Variants in CACNA1C observed in about 807,000 individuals in gnomAD.
The protein encoded by CACNA1C is calcium voltage-gated channel subunit alpha1 C.
A neutral mutation model predicts 229.0 loss-of-function variants in CACNA1C; 30 were observed. The ratio of observed to expected loss-of-function variants is 0.13; its 90% CI spans 0.10 to 0.18. The LOEUF is 0.18. Ranked by LOEUF, CACNA1C falls within the 10% of genes least tolerant of loss-of-function variation. The probability of loss-of-function intolerance (pLI) is 1.00; values close to 1 mark genes in which losing one functional copy is unlikely to be tolerated. For synonymous variants in CACNA1C, 1,114 were observed against 1,132.5 expected, an observed-to-expected ratio of 0.98 and a Z score of 0.33; for missense variants, 1,658 against 2,845.0, an observed-to-expected ratio of 0.58 and a Z score of 9.49.
chr12:2,043,002 G>C (rs1427013673), intron 1 of CACNA1C, among the ~76,000 whole-genome samples: 1 of 152,088 alleles, frequency 6.6e-6, no homozygotes, highest in Non-Finnish European at 1.5e-5. Flanking sequence ...CGTGTTTTGG[G>C]GTGTTTCATC....
intron 11 of CACNA1C, among the ~76,000 whole-genome samples, chr12:2,558,180 G>A (rs929826230): frequency 1.6e-4 from 25 of 152,302 alleles, no homozygotes; most frequent in East Asian, 7.7e-4. Context: ...GACACATGGC[G>A]GAGAGGGACT....
At chr12:2,072,313 C>T (rs886461329) in intron 1 of CACNA1C, among the ~76,000 whole-genome samples, 7 of 152,074 alleles carry the variant, frequency 4.6e-5, no homozygotes, top group Admixed American at 4.6e-4. Context: ...GTTCTCCTGC[C>T]CCAGCCTCCT....
intron 34 of CACNA1C, among the ~76,000 whole-genome samples, chr12:2,663,814 T>A (rs968561331): frequency 7.0e-6 from 1 of 143,298 alleles, no homozygotes; most frequent in African/African-American, 2.6e-5. Flanking sequence ...TGATCTCGGC[T>A]CACTGCAAAC....
At chr12:2,374,884 G>T (rs952472870) in intron 3 of CACNA1C, among the ~76,000 whole-genome samples, 3 of 152,202 alleles carry the variant, frequency 2.0e-5, no homozygotes, top group African/African-American at 7.2e-5. Context: ...CTGGAAGTTG[G>T]GTTCATTGGA....
intron 30 of CACNA1C, among the ~76,000 whole-genome samples, chr12:2,643,250 C>T (rs2093941427): frequency 6.6e-6 from 1 of 152,212 alleles, no homozygotes; most frequent in African/African-American, 2.4e-5. Flanking sequence ...GGGTTTCCGA[C>T]CTGGGGGTGG....
At chr12:2,503,026 G>A (rs571595082) in intron 7 of CACNA1C, among the ~76,000 whole-genome samples, 1 of 152,350 alleles carries the variant, frequency 6.6e-6, no homozygotes, top group South Asian at 2.1e-4. Context: ...CACACTTTGA[G>A]GAACACTGCT....
chr12:2,633,570 G>GTTC lies in CACNA1C; in HGVS notation c.3829-724_3829-722dup. ...ATGATTCTGATGGTGGTGTTGCTCT[G>GTTC]TTCTTGTCTGTCTAATATTCCTTTT... On this transcript the variant is annotated intron_variant, in intron 29 of 46. Coordinates refer to ENST00000399655, the MANE Select transcript of CACNA1C (RefSeq NM_000719.7). This position sits in a 1 kb window ranked among gnomAD's most constrained non-coding sequence, Gnocchi z 5.8. The GTTC allele has an allele frequency of 1.0e-6, 1 of 987,742 alleles. No individual in the cohort carries two copies. The highest frequency in any genetic ancestry group is 1.6e-6 in the Non-Finnish European group (1 of 608,934). 61.2% of individuals were successfully genotyped at this position (987,742 alleles called of 1,614,324 possible).
At chr12:2,527,588 C>A (rs902556367) in intron 9 of CACNA1C, among the ~76,000 whole-genome samples, 2 of 152,156 alleles carry the variant, frequency 1.3e-5, no homozygotes, top group Non-Finnish European at 2.9e-5. Context: ...CTAACACATG[C>A]ACACACACCA....
At chr12:2,068,433 A>G (rs1851204157) in intron 1 of CACNA1C, among the ~76,000 whole-genome samples, 1 of 152,184 alleles carries the variant, frequency 6.6e-6, no homozygotes, top group African/African-American at 2.4e-5. Context: ...TGAGTTGAGG[A>G]GGCTGGGCTT....
intron 9 of CACNA1C, among the ~76,000 whole-genome samples, chr12:2,527,561 A>G (rs2099821500): frequency 6.6e-6 from 1 of 152,194 alleles, no homozygotes; most frequent in African/African-American, 2.4e-5. Flanking sequence ...ATCTGAAAAT[A>G]ACCAAATGCA....
intron 5 of CACNA1C, among the ~76,000 whole-genome samples, chr12:2,478,843 G>A (rs905515799): frequency 6.6e-6 from 1 of 152,166 alleles, no homozygotes; most frequent in Admixed American, 6.5e-5. Flanking sequence ...TGCTTCATAG[G>A]TTCTCCGTAG....
chr12:2,663,735 C>CTTTTTTTTTTTTT (rs55933898), intron 34 of CACNA1C, among the ~76,000 whole-genome samples: 1 of 103,892 alleles, frequency 9.6e-6, no homozygotes. Flanking sequence ...AATAGAGTAT[C>CTTTTTTTTTTTTT]TTTTTTTTTT....
intron 3 of CACNA1C, among the ~76,000 whole-genome samples, chr12:2,197,019 G>A (rs530106157): frequency 3.9e-5 from 6 of 152,276 alleles, no homozygotes; most frequent in African/African-American, 1.2e-4. Context: ...AAGGTGGGCT[G>A]GAGCTGCCCA....
intron 3 of CACNA1C, among the ~76,000 whole-genome samples, chr12:2,400,747 T>C (rs2098665704): frequency 6.6e-6 from 1 of 152,154 alleles, no homozygotes; most frequent in African/African-American, 2.4e-5. Context: ...CCATCTGGCC[T>C]GCTCACCACT....
In CACNA1C at chr12:2,348,442, C is replaced by T. The variant is rs920183552; in HGVS notation, c.478-100534C>T. On this transcript the variant is annotated intron_variant, in intron 3 of 46. Coordinates refer to ENST00000399655, the MANE Select transcript of CACNA1C (RefSeq NM_000719.7). The surrounding 1 kb of genome is among the most constrained non-coding windows in gnomAD (Gnocchi z 4.7). ...TGGAGGTGATTGGCATATGTAAGAA[C>T]CCCCTTTCCCGTTGGCGTGTATGGT... Among the ~76,000 whole-genome samples the T allele has an allele frequency of 8.5e-5, 13 of 152,218 alleles. No individual in the cohort carries two copies. The highest frequency in any genetic ancestry group is 1.6e-4 in the Non-Finnish European group (11 of 68,036).
At chr12:2,432,660 G>A (rs77768770) in intron 3 of CACNA1C, among the ~76,000 whole-genome samples, 3,150 of 152,278 alleles carry the variant, frequency 0.021, 57 homozygotes, top group South Asian at 0.056. Flanking sequence ...ATCAGAAAAG[G>A]CATAAGTGCA....
At chr12:2,669,115 G>T in intron 38 of CACNA1C, 80 bp downstream of exon 38, 1 of 987,888 alleles carries the variant, frequency 1.0e-6, no homozygotes, top group South Asian at 1.3e-5. Context: ...AGCCTGCAAA[G>T]TGCTCAAGGG....
chr12:2,258,767 A>G (rs1474068381), intron 3 of CACNA1C, among the ~76,000 whole-genome samples: 2 of 152,202 alleles, frequency 1.3e-5, no homozygotes. Flanking sequence ...TTATTATTGT[A>G]GATATGTGAG....
chr12:2,604,477 C>T (rs1389776398), intron 22 of CACNA1C, among the ~76,000 whole-genome samples: 1 of 150,982 alleles, frequency 6.6e-6, no homozygotes, highest in East Asian at 2.0e-4. Flanking sequence ...CTCCCCATGA[C>T]ATCACCTCCA....
Sources: allele counts gnomAD v4.1 joint callset (sites outside exome capture counted in the v4.1 genomes callset), GRCh38; gene constraint gnomAD v4.1.1; non-coding constraint Gnocchi (gnomAD v3.1); transcripts MANE v1.5; gene names NCBI Gene and HGNC (gene_info 2026-07-23, HGNC 2026-07-21).